The following RAB3IP variants were observed in gnomAD, a reference collection of about 807,000 sequenced individuals.
RAB3IP encodes RAB3A interacting protein.
A neutral mutation model predicts 59.1 loss-of-function variants in RAB3IP; 36 were observed. The ratio of observed to expected loss-of-function variants is 0.61; its 90% CI spans 0.47 to 0.80. The LOEUF (loss-of-function observed/expected upper bound fraction) is 0.80. Ranked by LOEUF, RAB3IP falls within the 30% of genes least tolerant of loss-of-function variation. The pLI is 0.00. For synonymous variants in RAB3IP, 207 were observed against 191.2 expected (o/e 1.08, Z -0.68); for missense variants, 511 against 536.0 (o/e 0.95, Z 0.46).
chr12:69,797,680 C>T (rs537513967), intron 6 of RAB3IP, among the ~76,000 whole-genome samples: 3 of 151,720 alleles, frequency 2.0e-5, no homozygotes, highest in Non-Finnish European at 4.4e-5. Context: ...CCCATCCCCC[C>T]ACCCCACAAC....
chr12:69,799,371 T>C (rs1278765139), intron 6 of RAB3IP, among the ~76,000 whole-genome samples: 2 of 152,176 alleles, frequency 1.3e-5, no homozygotes, highest in Non-Finnish European at 2.9e-5. Flanking sequence ...AGTGCAACTT[T>C]GTATTCCAGC....
chr12:69,761,490 T>A (rs1424673663), intron 3 of RAB3IP, among the ~76,000 whole-genome samples: 1 of 152,202 alleles, frequency 6.6e-6, no homozygotes, highest in Non-Finnish European at 1.5e-5. Flanking sequence ...TAATCCCTGT[T>A]CCTCTATCTT....
At chr12:69,744,472 C>A (rs1160693285) in intron 1 of RAB3IP, among the ~76,000 whole-genome samples, 10 of 152,100 alleles carry the variant, frequency 6.6e-5, no homozygotes, top group African/African-American at 2.4e-4. Context: ...CACCTGTAGT[C>A]CCAGCACTTG....
intron 10 of RAB3IP, among the ~76,000 whole-genome samples, chr12:69,814,070 T>C (rs1018679707): frequency 6.6e-6 from 1 of 152,170 alleles, no homozygotes; most frequent in African/African-American, 2.4e-5. Flanking sequence ...AAAACAGTCT[T>C]TAAACTGTGT....
In RAB3IP at chr12:69,821,472, A is replaced by C. The variant is rs1413145371; in HGVS notation, c.*6026A>C. 6.6e-6 allele frequency: 1 copy of C among 152,186 alleles called. No homozygotes were observed. Among genetic ancestry groups the C allele is most frequent in the Non-Finnish European group, 1.5e-5 (1 of 68,026 alleles). The allele number at this position is 152,186 out of a possible 1,614,324, so 9.4% of individuals were successfully genotyped here. Reference sequence around the variant, plus strand: ...AGTGGAGTGCTCTGGATTCTGATTAATAGAGATTTTCTAGTCCTCCCAGCA... The same window carrying C: ...AGTGGAGTGCTCTGGATTCTGATTACTAGAGATTTTCTAGTCCTCCCAGCA... On this transcript the variant is annotated 3_prime_UTR_variant, in exon 11 of 11. Coordinates refer to ENST00000247833, the MANE Select transcript of RAB3IP (RefSeq NM_022456.5).
intron 3 of RAB3IP, among the ~76,000 whole-genome samples, chr12:69,758,777 T>TC (rs1368723845): frequency 6.7e-6 from 1 of 148,852 alleles, no homozygotes; most frequent in Non-Finnish European, 1.5e-5. Context: ...TTTTTTTTTT[T>TC]TTTTACAAGT....
intron 1 of RAB3IP, among the ~76,000 whole-genome samples, chr12:69,754,982 A>G (rs923025167): frequency 6.6e-6 from 1 of 152,216 alleles, no homozygotes; most frequent in African/African-American, 2.4e-5. Context: ...AGCATTGCTT[A>G]TCACTTTCAG....
At chr12:69,784,293 A>G (rs1352011473) in intron 3 of RAB3IP, among the ~76,000 whole-genome samples, 2 of 152,122 alleles carry the variant, frequency 1.3e-5, no homozygotes, top group African/African-American at 2.4e-5. Context: ...GAAGTTACCT[A>G]TAAGTAAATA....
At chr12:69,741,848 CTTT>C (rs774592597) in intron 1 of RAB3IP, among the ~76,000 whole-genome samples, 17 of 152,166 alleles carry the variant, frequency 1.1e-4, no homozygotes, top group Non-Finnish European at 1.3e-4. Flanking sequence ...ATTATCACTT[CTTT>C]ATGTGTAGCT....
At chr12:69,755,742 T>G (rs1451925434) in intron 2 of RAB3IP, 83 bp downstream of exon 2, 9 of 1,188,192 alleles carry the variant, frequency 7.6e-6, no homozygotes, top group Non-Finnish European at 9.4e-6. Context: ...TTTACTATTT[T>G]TAGAAAATTT....
intron 1 of RAB3IP, among the ~76,000 whole-genome samples, chr12:69,754,723 CAT>C (rs1290603155): frequency 1.3e-5 from 2 of 152,178 alleles, no homozygotes; most frequent in African/African-American, 2.4e-5. Context: ...TGCCTTCAAA[CAT>C]GTTGTACATG....
intron 4 of RAB3IP, among the ~76,000 whole-genome samples, chr12:69,788,017 C>G (rs529959912): frequency 2.0e-5 from 3 of 152,060 alleles, no homozygotes; most frequent in Non-Finnish European, 4.4e-5. Context: ...CAGTTATACA[C>G]ACATGTTTTA....
intron 3 of RAB3IP, among the ~76,000 whole-genome samples, chr12:69,765,518 T>G (rs561606763): frequency 1.3e-5 from 2 of 151,848 alleles, no homozygotes; most frequent in Non-Finnish European, 2.9e-5. Context: ...AACTTTTTGA[T>G]GTGCTGTTGG....
At chr12:69,764,250 G>C (rs1871836419) in intron 3 of RAB3IP, among the ~76,000 whole-genome samples, 1 of 151,980 alleles carries the variant, frequency 6.6e-6, no homozygotes, top group Non-Finnish European at 1.5e-5. Context: ...TTCCTAGGTT[G>C]TTTTCTAGGA....
At chr12:69,762,360 G>A (rs1871441900) in intron 3 of RAB3IP, among the ~76,000 whole-genome samples, 1 of 152,166 alleles carries the variant, frequency 6.6e-6, no homozygotes, top group Non-Finnish European at 1.5e-5. Flanking sequence ...TCAAATTATT[G>A]TGTTGAGGTT....
intron 3 of RAB3IP, among the ~76,000 whole-genome samples, chr12:69,781,173 T>G (rs1268700743): frequency 1.3e-5 from 2 of 152,194 alleles, no homozygotes; most frequent in African/African-American, 4.8e-5. Flanking sequence ...ATATCATTTT[T>G]ATACCATTTT....
chr12:69,801,226 TA>T (rs1878322373), intron 7 of RAB3IP, among the ~76,000 whole-genome samples: 1 of 152,224 alleles, frequency 6.6e-6, no homozygotes, highest in African/African-American at 2.4e-5. Context: ...AATTAATATA[TA>T]TTGCTGTGGT....
chr12:69,799,424 G>A (rs1878026227), intron 6 of RAB3IP, among the ~76,000 whole-genome samples: 1 of 152,110 alleles, frequency 6.6e-6, no homozygotes. Context: ...GAATCTGTAG[G>A]GAAGAATACT....
In RAB3IP at chr12:69,820,660, A is replaced by T. The variant is rs2136302710; in HGVS notation, c.*5214A>T. The T allele has an allele frequency of 6.6e-6, 1 of 151,996 alleles. No homozygotes were observed. Among genetic ancestry groups the T allele is most frequent in the South Asian group, 2.1e-4 (1 of 4,814 alleles). The allele number at this position is 151,996 out of a possible 1,614,324, so 9.4% of individuals were successfully genotyped here. Reference sequence around the variant, plus strand: ...GATCCCCTGAGGTTGGTAGTTCGAGACCTGCTTGGCCAACATGGAGAAACC... The same window carrying T: ...GATCCCCTGAGGTTGGTAGTTCGAGTCCTGCTTGGCCAACATGGAGAAACC... On this transcript the variant is annotated 3_prime_UTR_variant, in exon 11 of 11. Transcript: ENST00000247833.
Sources: allele counts gnomAD v4.1 joint callset (sites outside exome capture counted in the v4.1 genomes callset), GRCh38; gene constraint gnomAD v4.1.1; transcripts MANE v1.5; gene names NCBI Gene and HGNC (gene_info 2026-07-23, HGNC 2026-07-21).